Variants in TBC1D14 observed in about 807,000 individuals in gnomAD.
The protein encoded by TBC1D14 is TBC1 domain family, member 14.
A neutral mutation model predicts 79.0 loss-of-function variants in TBC1D14; 26 were observed. That is an observed-to-expected ratio of 0.33 (90% CI 0.24 to 0.46). The LOEUF (loss-of-function observed/expected upper bound fraction) is 0.46. TBC1D14 is among the 20% of genes least tolerant of loss of function. The pLI is 1.00. For synonymous variants in TBC1D14, 394 were observed against 349.9 expected, an observed-to-expected ratio of 1.13 and a Z score of -1.40; for missense variants, 769 against 887.6, an observed-to-expected ratio of 0.87 and a Z score of 1.70.
chr4:6,979,556 G>C (rs551071326), intron 3 of TBC1D14, among the ~76,000 whole-genome samples: 2 of 152,204 alleles, frequency 1.3e-5, no homozygotes, highest in East Asian at 3.9e-4. Context: ...AGGAGTTTGA[G>C]GTTACAGTGA....
At chr4:6,978,095 C>T (rs1438879088) in intron 3 of TBC1D14, among the ~76,000 whole-genome samples, 2 of 150,274 alleles carry the variant, frequency 1.3e-5, no homozygotes, top group Non-Finnish European at 3.0e-5. Context: ...GCCTGGCCAG[C>T]CGCCCCATCC....
intron 12 of TBC1D14, among the ~76,000 whole-genome samples, chr4:7,015,434 C>A (rs1216624059): frequency 6.6e-6 from 1 of 152,094 alleles, no homozygotes; most frequent in East Asian, 1.9e-4. Flanking sequence ...TCGGCCAGGG[C>A]AGTTAGTGGA....
At position 6,935,557 on chromosome 4, in the gene TBC1D14, T is replaced by TCCTCCTCTCCCTTTCCCTCTC. The variant is rs1310752812; in HGVS notation, c.722+11451_722+11471dup. ...TCCCTCTATCTCTCCCTTTTCCTCTTCCTCCTCTCCCTTTCCCTCTCCCTC... is the reference window on the plus strand; with the variant it reads ...TCCCTCTATCTCTCCCTTTTCCTCTTCCTCCTCTCCCTTTCCCTCTCCCTCCTCTCCCTTTCCCTCTCCCTC... On this transcript the variant is annotated intron_variant, in intron 2 of 13. Transcript: ENST00000409757. Among the ~76,000 whole-genome samples the TCCTCCTCTCCCTTTCCCTCTC allele has an allele frequency of 3.9e-5, 6 of 152,080 alleles. No homozygotes were observed. In the East Asian group the frequency reaches 9.7e-4, roughly 24 times the overall value.
Position 6,909,952 on chromosome 4 carries a change from G to T in TBC1D14, c.-18+1G>T, listed in dbSNP as rs1043655445. The T allele has an allele frequency of 6.8e-6, 1 of 147,694 alleles. No homozygotes were observed. Among genetic ancestry groups the T allele is most frequent in the African/African-American group, 2.4e-5 (1 of 40,992 alleles). 9.1% of individuals were successfully genotyped at this position (147,694 alleles called of 1,614,324 possible). A position where few individuals can be genotyped will look rare whatever the true frequency, so the allele number is the denominator to read the frequency against. Reference sequence around the variant, plus strand: ...TGGCGTCGGAGCCGCGCTAACTCCGGTACTGAGAGCCTCCCGCGAGGGCCG... The same window carrying T: ...TGGCGTCGGAGCCGCGCTAACTCCGTTACTGAGAGCCTCCCGCGAGGGCCG... On this transcript the variant is annotated splice_donor_variant, in intron 1 of 13. Transcript: ENST00000409757. LOFTEE classifies it low-confidence loss of function (5UTR_SPLICE).
At chr4:6,936,667 T>C (rs909874600) in intron 2 of TBC1D14, among the ~76,000 whole-genome samples, 5 of 152,250 alleles carry the variant, frequency 3.3e-5, no homozygotes, top group Admixed American at 3.3e-4. Flanking sequence ...GGCTAGATTA[T>C]ATGGTAAAGT....
chr4:7,001,523 C>G (rs1719672912), intron 7 of TBC1D14: 1 of 379,704 alleles, frequency 2.6e-6, no homozygotes, highest in East Asian at 5.1e-5. Flanking sequence ...CTGAGCTTCG[C>G]AGATCAAAGT....
chr4:6,975,242 C>T (rs1263099775), intron 3 of TBC1D14, among the ~76,000 whole-genome samples: 5 of 151,996 alleles, frequency 3.3e-5, no homozygotes, highest in Admixed American at 6.6e-5. Context: ...TAGGGTCTTG[C>T]TCTGTCCCCC....
chr4:6,998,892 A>T, intron 5 of TBC1D14, 193 bp from the exon 6 acceptor site: 1 of 571,292 alleles, frequency 1.8e-6, no homozygotes, highest in Non-Finnish European at 3.1e-6. Context: ...TAGACTTTGC[A>T]AGCTTACTAA....
At chr4:7,021,806 C>T (rs904693494) in intron 12 of TBC1D14, among the ~76,000 whole-genome samples, 39 of 152,200 alleles carry the variant, frequency 2.6e-4, no homozygotes, top group African/African-American at 8.7e-4. Context: ...TTCTGTCTTC[C>T]GACCATGGGA....
intron 13 of TBC1D14, among the ~76,000 whole-genome samples, chr4:7,025,540 T>C (rs533986593): frequency 6.6e-6 from 1 of 152,334 alleles, no homozygotes; most frequent in South Asian, 2.1e-4. Context: ...TGTATCATTA[T>C]AGTGCTCTTT....
chr4:6,955,370 G>A (rs943620903), intron 2 of TBC1D14, among the ~76,000 whole-genome samples: 2 of 152,298 alleles, frequency 1.3e-5, no homozygotes, highest in African/African-American at 4.8e-5. Flanking sequence ...GCTGGGCCTC[G>A]GTGTCCTGTC....
intron 13 of TBC1D14, among the ~76,000 whole-genome samples, chr4:7,026,770 A>G (rs1442716648): frequency 6.6e-6 from 1 of 152,082 alleles, no homozygotes; most frequent in Non-Finnish European, 1.5e-5. Flanking sequence ...GGTGACGTAT[A>G]TCTGTAGTTC....
rs1036629063 is a variant in TBC1D14 at position 6,970,072 on chromosome 4, A to G, written c.843+2648A>G. Among the ~76,000 whole-genome samples the G allele has an allele frequency of 2.6e-5, 4 of 152,144 alleles. No homozygotes were observed. In the South Asian group the frequency reaches 8.3e-4, roughly 32 times the overall value. ...GGCTCACACAGCCTGCACTTGAGAGAGGCAGGCGCTGGGGCCATGACAGCC... is the reference window on the plus strand; with the variant it reads ...GGCTCACACAGCCTGCACTTGAGAGGGGCAGGCGCTGGGGCCATGACAGCC... On this transcript the variant is annotated intron_variant, in intron 3 of 13. Coordinates refer to ENST00000409757, the MANE Select transcript of TBC1D14 (RefSeq NM_020773.3).
chr4:6,940,131 C>A (rs11723716), intron 2 of TBC1D14, among the ~76,000 whole-genome samples: 106,728 of 152,122 alleles, frequency 0.7, 38,381 homozygotes, highest in East Asian at 0.94. Flanking sequence ...GCCACTAGCC[C>A]CATGTAGCTA....
At chr4:6,930,326 C>G (rs987501688) in intron 2 of TBC1D14, among the ~76,000 whole-genome samples, 15 of 152,308 alleles carry the variant, frequency 9.8e-5, no homozygotes, top group African/African-American at 3.6e-4. Flanking sequence ...CTGGAGTCAG[C>G]CGTTTGTCAC....
chr4:6,956,793 C>T (rs1244672937), intron 2 of TBC1D14, among the ~76,000 whole-genome samples: 5 of 152,192 alleles, frequency 3.3e-5, no homozygotes, highest in Admixed American at 6.5e-5. Flanking sequence ...GCTGCCTGTG[C>T]GGGGAAGGAG....
At chr4:6,978,124 TC>T (rs1716974950) in intron 3 of TBC1D14, among the ~76,000 whole-genome samples, 1 of 137,916 alleles carries the variant, frequency 7.3e-6, no homozygotes, top group Admixed American at 7.2e-5. Context: ...GGTGGGGGGG[TC>T]AGCCCCCCGC....
At chr4:6,983,086 G>A (rs778722743) in intron 3 of TBC1D14, among the ~76,000 whole-genome samples, 2 of 151,928 alleles carry the variant, frequency 1.3e-5, no homozygotes, top group Non-Finnish European at 2.9e-5. Context: ...GCAGTGGCAC[G>A]ATCTCGCCTC....
chr4:7,002,651 C>A (rs1719786269), intron 7 of TBC1D14, among the ~76,000 whole-genome samples: 1 of 152,182 alleles, frequency 6.6e-6, no homozygotes, highest in Admixed American at 6.5e-5. Flanking sequence ...TGGGCCCTCA[C>A]CTGCTGTGCT....
Sources: gnomAD v4.1 joint callset for allele counts (sites outside exome capture counted in the v4.1 genomes callset) on GRCh38, gnomAD v4.1.1 for gene constraint, MANE v1.5 for transcripts, NCBI Gene and HGNC (gene_info 2026-07-23, HGNC 2026-07-21) for gene names.